Variants in SORCS1 observed in about 807,000 individuals in gnomAD.
The protein encoded by SORCS1 is VPS10 domain-containing receptor SorCS1.
In SORCS1, 60 loss-of-function variants were observed where a neutral mutation model predicts 146.1. The ratio of observed to expected loss-of-function variants is 0.41; its 90% confidence interval spans 0.33 to 0.51. The LOEUF (loss-of-function observed/expected upper bound fraction) is 0.51, where lower values mean the gene tolerates loss of function less well. Among genes scored for constraint, SORCS1 ranks in the 20% least tolerant of loss-of-function variants. The pLI, the probability that SORCS1 is intolerant of heterozygous loss-of-function variation, is 0.21. For synonymous variants in SORCS1, 637 were observed against 584.0 expected (o/e 1.09, Z -1.31); for missense variants, 1,352 against 1,487.6 (o/e 0.91, Z 1.50).
At chr10:106,649,384 G>A (rs753033839) in intron 18 of SORCS1, among the ~76,000 whole-genome samples, 1 of 152,136 alleles carries the variant, frequency 6.6e-6, no homozygotes, top group African/African-American at 2.4e-5. Flanking sequence ...CTGAAGAAGC[G>A]AGCAACACCC....
chr10:106,872,284 A>G (rs1323754859), intron 2 of SORCS1, among the ~76,000 whole-genome samples: 1 of 152,228 alleles, frequency 6.6e-6, no homozygotes, highest in East Asian at 1.9e-4. Flanking sequence ...AGTATATAAG[A>G]GGCAGAGAGA....
intron 5 of SORCS1, among the ~76,000 whole-genome samples, chr10:106,742,145 T>A (rs1050269151): frequency 6.6e-6 from 1 of 152,298 alleles, no homozygotes; most frequent in Admixed American, 6.5e-5. Flanking sequence ...TAGATTGATC[T>A]TCATTGGAGA....
At position 106,675,124 on chromosome 10, in the gene SORCS1, T is replaced by C. The variant is rs2135513322; in HGVS notation, c.1865A>G (p.Lys622Arg). 4 of 1,613,876 alleles carry C rather than the reference T, an allele frequency of 2.5e-6. No homozygotes were observed. The East Asian group carries it at 8.9e-5, about 36-fold the overall frequency. Residue 622 changes from lysine (K) to arginine (R), a missense_variant, in exon 14 of 26, where the codon AAA becomes AGA. Physicochemically the swap from Lys to Arg is conservative, Grantham distance 26 (BLOSUM62 2). This residue lies in a region of SORCS1 where 648 missense variants were observed against 793.8 expected (regional missense o/e 0.82). Transcript: ENST00000263054. ...LSFDEGRSWS[K>R]YSFTSIPLFV... is the part of the protein sequence containing the mutation. ...AAGTGGAATAGATGTGAAACTGTATTTGCTCCAAGATCTCCCTTCATCAAA... is the reference window on the plus strand; with the variant it reads ...AAGTGGAATAGATGTGAAACTGTATCTGCTCCAAGATCTCCCTTCATCAAA...
chr10:106,666,723 AT>A (rs540831679), intron 17 of SORCS1, among the ~76,000 whole-genome samples: 5,758 of 142,046 alleles, frequency 0.041, 169 homozygotes, highest in African/African-American at 0.093. Flanking sequence ...TGTGCAGTTA[AT>A]TTTTTTTTTT....
intron 22 of SORCS1, among the ~76,000 whole-genome samples, chr10:106,610,686 T>G (rs995276944): frequency 1.6e-4 from 24 of 152,210 alleles, no homozygotes; most frequent in African/African-American, 5.8e-4. Context: ...GCTAAGAATA[T>G]GCCCTGGGAG....
At chr10:106,927,311 G>A (rs1436909149) in intron 2 of SORCS1, among the ~76,000 whole-genome samples, 11 of 151,938 alleles carry the variant, frequency 7.2e-5, no homozygotes, top group Admixed American at 6.6e-4. Flanking sequence ...GTGAAGCTGC[G>A]GACCTTCACA....
intron 23 of SORCS1, among the ~76,000 whole-genome samples, chr10:106,606,280 CACACACACACACACACACACACACA>C (rs1846578117): frequency 6.4e-5 from 1 of 15,614 alleles, no homozygotes; most frequent in South Asian, 3.2e-3. Context: ...GATATACACA[CACACACACACACACACACACACACA>C]CACACACACA....
intron 1 of SORCS1, among the ~76,000 whole-genome samples, chr10:107,000,613 A>G (rs985138200): frequency 1.1e-4 from 16 of 151,236 alleles, no homozygotes; most frequent in Non-Finnish European, 1.9e-4. Flanking sequence ...CTCAAAAAAA[A>G]AAAAAAAAAG....
chr10:106,595,458 G>A (rs1459782075), intron 24 of SORCS1, among the ~76,000 whole-genome samples: 2 of 152,070 alleles, frequency 1.3e-5, no homozygotes, highest in African/African-American at 4.8e-5. Flanking sequence ...GACCTTTGAT[G>A]GCTTACTCAC....
intron 22 of SORCS1, among the ~76,000 whole-genome samples, chr10:106,608,913 C>T (rs544488932): frequency 6.6e-6 from 1 of 152,180 alleles, no homozygotes; most frequent in Non-Finnish European, 1.5e-5. Flanking sequence ...CAGGACTTTA[C>T]ATAACTGCAC....
rs1844602658 is a variant in SORCS1, at chr10:106,576,892, A to G, written c.*528T>C. On this transcript the variant is annotated 3_prime_UTR_variant, in exon 26 of 26. Coordinates refer to ENST00000263054, the MANE Select transcript of SORCS1 (RefSeq NM_052918.5). ...AGCTGATAAATCTAGAGCCAAGAAT[A>G]TTTCCAAAAATACATGCAGATTTCC... 1 of 194,030 alleles carries G rather than the reference A, an allele frequency of 5.2e-6. No individual in the cohort carries two copies. 12.0% of individuals were successfully genotyped at this position (194,030 alleles called of 1,614,324 possible). A position where few individuals can be genotyped will look rare whatever the true frequency, so the allele number is the denominator to read the frequency against.
chr10:107,074,465 C>T (rs1349541106), intron 1 of SORCS1, among the ~76,000 whole-genome samples: 2 of 152,124 alleles, frequency 1.3e-5, no homozygotes, highest in Non-Finnish European at 2.9e-5. Flanking sequence ...ATTTTTGTTG[C>T]TTCTAAGTTT....
chr10:106,713,345 A>G (rs75952605), intron 6 of SORCS1, among the ~76,000 whole-genome samples: 1,876 of 152,312 alleles, frequency 0.012, 76 homozygotes, highest in Admixed American at 0.079. Context: ...TACAAATACA[A>G]TTTCCAACTA....
At chr10:107,085,453 G>C (rs1245698965) in intron 1 of SORCS1, among the ~76,000 whole-genome samples, 1 of 152,160 alleles carries the variant, frequency 6.6e-6, no homozygotes, top group African/African-American at 2.4e-5. Flanking sequence ...AACATGATTA[G>C]AGCTCATTTT....
chr10:106,647,138 A>G (rs1249659142), intron 18 of SORCS1, among the ~76,000 whole-genome samples: 1 of 150,584 alleles, frequency 6.6e-6, no homozygotes, highest in Non-Finnish European at 1.5e-5. Flanking sequence ...TGATCTTGTC[A>G]ATTTTAATAC....
chr10:106,874,085 T>A (rs1950516652), intron 2 of SORCS1, among the ~76,000 whole-genome samples: 1 of 152,210 alleles, frequency 6.6e-6, no homozygotes, highest in Non-Finnish European at 1.5e-5. Context: ...TATAAATATT[T>A]ACTAATATAC....
chr10:106,785,622 T>C (rs1946020556), intron 3 of SORCS1, among the ~76,000 whole-genome samples: 1 of 152,208 alleles, frequency 6.6e-6, no homozygotes, highest in Admixed American at 6.5e-5. Flanking sequence ...CTGGCAAATA[T>C]ACTAGGGTGT....
rs189840689 is a variant in SORCS1, at chr10:107,106,159, G to A, written c.558+57810C>T. Among the ~76,000 whole-genome samples the A allele has an allele frequency of 1.6e-4, 24 of 152,264 alleles. No individual in the cohort carries two copies. The East Asian group carries it at 4.4e-3, about 28-fold the overall frequency. On this transcript the variant is annotated intron_variant, in intron 1 of 25. Transcript: ENST00000263054. Reference sequence around the variant, plus strand: ...CCTTGTCAAATATTCTCAAAATTCTGAATACTAGGTACATTCAGATGATAC... The same window carrying A: ...CCTTGTCAAATATTCTCAAAATTCTAAATACTAGGTACATTCAGATGATAC...
intron 1 of SORCS1, among the ~76,000 whole-genome samples, chr10:106,997,151 C>A (rs1169615613): frequency 6.6e-6 from 1 of 152,044 alleles, no homozygotes; most frequent in Non-Finnish European, 1.5e-5. Flanking sequence ...TATTCTTTCT[C>A]CTGGTAATTT....
Sources: allele counts gnomAD v4.1 joint callset (sites outside exome capture counted in the v4.1 genomes callset), GRCh38; gene constraint gnomAD v4.1.1; regional missense constraint gnomAD v4.1.1; transcripts MANE v1.5; gene names NCBI Gene and HGNC (gene_info 2026-07-23, HGNC 2026-07-21).